Variants in FRMD4A observed in about 807,000 individuals in gnomAD.
FRMD4A encodes FERM domain containing 4A.
FRMD4A carries 29 observed loss-of-function variants against 129.1 expected under a neutral mutation model. That is an observed-to-expected ratio of 0.22 (90% confidence interval 0.17 to 0.31). The LOEUF is 0.31. Among genes scored for constraint, FRMD4A ranks in the 10% least tolerant of loss-of-function variants. FRMD4A has a pLI of 1.00. For synonymous variants in FRMD4A, 634 were observed against 571.6 expected (o/e 1.11, Z -1.56); for missense variants, 1,272 against 1,375.8 (o/e 0.92, Z 1.19).
intron 2 of FRMD4A, among the ~76,000 whole-genome samples, chr10:14,141,195 G>C (rs924141308): frequency 6.6e-6 from 1 of 152,096 alleles, no homozygotes; most frequent in Admixed American, 6.5e-5. Context: ...GTAGAGAAAG[G>C]GCCTTCGAAG....
chr10:13,852,987 T>C lies in FRMD4A; in HGVS notation c.111+5860A>G, dbSNP rs185006208. Among the ~76,000 whole-genome samples, 9 of 152,262 alleles carry C rather than the reference T, an allele frequency of 5.9e-5. No individual in the cohort carries two copies. The East Asian group carries it at 1.7e-3, about 29-fold the overall frequency. On this transcript the variant is annotated intron_variant, in intron 3 of 24. Coordinates refer to ENST00000357447, the MANE Select transcript of FRMD4A (RefSeq NM_018027.5). ...CTTAGAAAACACAGACTAGTCACAG[T>C]TTGCTCCACTTCTTGGAATCATAGG...
Position 13,882,805 on chromosome 10 carries a change from GGTTT to G in FRMD4A, c.46-23897_46-23894del, listed in dbSNP as rs746091815. 3.6e-3 allele frequency among the ~76,000 whole-genome samples: 344 copies of G among 96,154 alleles called. 2 individuals are homozygous for G. Among genetic ancestry groups the G allele is most frequent in the African/African-American group, 0.011 (283 of 25,994 alleles). 63.1% of individuals were successfully genotyped at this position (96,154 alleles called of 152,430 possible). On this transcript the variant is annotated intron_variant, in intron 2 of 24. Coordinates refer to ENST00000357447, the MANE Select transcript of FRMD4A (RefSeq NM_018027.5). ...ACCAAAAGCCACAGTATAATTTTTT[GGTTT>G]TTTTTTTTTTTTTTGAGACACACTC...
intron 2 of FRMD4A, among the ~76,000 whole-genome samples, chr10:14,245,449 G>T (rs1299869588): frequency 6.6e-6 from 1 of 152,174 alleles, no homozygotes; most frequent in Non-Finnish European, 1.5e-5. Flanking sequence ...AGTATTTGCA[G>T]CATTCAAAGA....
chr10:14,208,950 C>G (rs1049427245), intron 2 of FRMD4A, among the ~76,000 whole-genome samples: 1 of 152,186 alleles, frequency 6.6e-6, no homozygotes, highest in African/African-American at 2.4e-5. Flanking sequence ...CCTCTTGACA[C>G]TCTGGAGGGG....
At chr10:14,154,175 T>C (rs1049744177) in intron 2 of FRMD4A, among the ~76,000 whole-genome samples, 2 of 152,156 alleles carry the variant, frequency 1.3e-5, no homozygotes, top group African/African-American at 4.8e-5. Context: ...GTCTAGGGTA[T>C]GGATTTTGAA....
chr10:13,650,397 C>CACATGTATGCA (rs1025036251), intron 24 of FRMD4A, among the ~76,000 whole-genome samples: 29 of 152,144 alleles, frequency 1.9e-4, no homozygotes, highest in African/African-American at 6.5e-4. Context: ...CCTGCATGTG[C>CACATGTATGCA]ACATGTATGC....
At chr10:13,793,294 C>A (rs2130815432) in intron 5 of FRMD4A, among the ~76,000 whole-genome samples, 1 of 152,154 alleles carries the variant, frequency 6.6e-6, no homozygotes, top group African/African-American at 2.4e-5. Context: ...GCCTCAGCCT[C>A]CCAAGTAGCT....
intron 2 of FRMD4A, among the ~76,000 whole-genome samples, chr10:14,259,191 A>G (rs1828504358): frequency 3.9e-5 from 6 of 152,232 alleles, no homozygotes; most frequent in Admixed American, 2.0e-4. Flanking sequence ...TAACAGAATC[A>G]TAAAAAGGTA....
chr10:14,008,621 T>A, intron 2 of FRMD4A: 1 of 386,762 alleles, frequency 2.6e-6, no homozygotes, highest in Non-Finnish European at 3.5e-6. Flanking sequence ...GGCCGTACAG[T>A]AGGTCACATG....
chr10:13,692,020 T>G (rs1240732593), intron 15 of FRMD4A: 1 of 152,170 alleles, frequency 6.6e-6, no homozygotes, highest in Non-Finnish European at 1.5e-5. Context: ...TTGACCCCAT[T>G]TTTTTGGATG....
At chr10:14,040,228 T>G (rs1207436795) in intron 2 of FRMD4A, among the ~76,000 whole-genome samples, 1 of 152,134 alleles carries the variant, frequency 6.6e-6, no homozygotes, top group Non-Finnish European at 1.5e-5. Flanking sequence ...TACACTGGGC[T>G]TGTGTGTGTA....
intron 2 of FRMD4A, among the ~76,000 whole-genome samples, chr10:13,901,608 CAAAAA>C (rs35890520): frequency 1.7e-5 from 2 of 120,800 alleles, no homozygotes; most frequent in African/African-American, 3.2e-5. Context: ...GACTTCATCT[CAAAAA>C]AAAAAAAAAA....
chr10:14,054,866 T>G (rs10906586), intron 2 of FRMD4A, among the ~76,000 whole-genome samples: 2 of 151,634 alleles, frequency 1.3e-5, no homozygotes, highest in African/African-American at 4.8e-5. Context: ...AGTTTTTGCT[T>G]TTGCCTGCCA....
intron 2 of FRMD4A, among the ~76,000 whole-genome samples, chr10:14,140,260 A>G (rs1013938103): frequency 2.0e-5 from 3 of 152,020 alleles, no homozygotes; most frequent in African/African-American, 7.3e-5. Flanking sequence ...ATGGGGTTTC[A>G]CCATGTTGAC....
At chr10:14,236,274 G>A (rs765858815) in intron 2 of FRMD4A, among the ~76,000 whole-genome samples, 22 of 152,204 alleles carry the variant, frequency 1.4e-4, no homozygotes, top group Non-Finnish European at 2.1e-4. Context: ...TAGAATGCAC[G>A]CATGAAGCGT....
intron 13 of FRMD4A, among the ~76,000 whole-genome samples, chr10:13,703,286 A>ATCTCC (rs1164829440): frequency 6.6e-6 from 1 of 152,066 alleles, no homozygotes; most frequent in African/African-American, 2.4e-5. Flanking sequence ...TCATTACTTT[A>ATCTCC]TCTCCTCTCC....
intron 2 of FRMD4A, among the ~76,000 whole-genome samples, chr10:13,919,900 T>C (rs1204336601): frequency 6.6e-6 from 1 of 152,186 alleles, no homozygotes; most frequent in Admixed American, 6.5e-5. Flanking sequence ...ATTGCACCAC[T>C]GCACTCCAGC....
At chr10:13,814,989 G>A (rs1048038011) in intron 3 of FRMD4A, among the ~76,000 whole-genome samples, 1 of 152,084 alleles carries the variant, frequency 6.6e-6, no homozygotes, top group African/African-American at 2.4e-5. Context: ...AGAAATGGAG[G>A]CTTGGGGTTA....
intron 6 of FRMD4A, among the ~76,000 whole-genome samples, chr10:13,781,260 C>A (rs1045942267): frequency 1.5e-5 from 2 of 135,168 alleles, no homozygotes; most frequent in Non-Finnish European, 3.0e-5. Flanking sequence ...GCCAAGATTG[C>A]ACCACTGAAC....
Sources: gnomAD v4.1 joint callset for allele counts (sites outside exome capture counted in the v4.1 genomes callset) on GRCh38, gnomAD v4.1.1 for gene constraint, MANE v1.5 for transcripts, NCBI Gene and HGNC (gene_info 2026-07-23, HGNC 2026-07-21) for gene names.